The following KCNC4 variants were observed in gnomAD, a reference collection of about 807,000 sequenced individuals.
The protein encoded by KCNC4 is voltage-gated potassium channel KCNC4.
KCNC4 carries 23 observed loss-of-function variants against 42.8 expected under a neutral mutation model. The ratio of observed to expected loss-of-function variants is 0.54; its 90% CI spans 0.39 to 0.76. The LOEUF is 0.76. KCNC4 is among the 30% of genes least tolerant of loss of function. The probability of loss-of-function intolerance (pLI) is 0.00; values close to 1 mark genes in which losing one functional copy is unlikely to be tolerated. For synonymous variants in KCNC4, 422 were observed against 393.5 expected (o/e 1.07, Z -0.86); for missense variants, 751 against 898.2 (o/e 0.84, Z 2.10).
At chr1:110,229,374 G>T (rs1486602036) in intron 3 of KCNC4, among the ~76,000 whole-genome samples, 1 of 152,168 alleles carries the variant, frequency 6.6e-6, no homozygotes, top group Non-Finnish European at 1.5e-5. Context: ...CCGTGGGCGG[G>T]CTGCCTAGGC....
At chr1:110,228,534 CT>C (rs1251271769) in intron 3 of KCNC4, 1 of 152,814 alleles carries the variant, frequency 6.5e-6, no homozygotes, top group Non-Finnish European at 1.5e-5. Context: ...TTCACCAAGG[CT>C]GTGGAAAGTC....
intron 3 of KCNC4, among the ~76,000 whole-genome samples, chr1:110,229,312 C>G (rs528810708): frequency 6.6e-6 from 1 of 152,312 alleles, no homozygotes; most frequent in African/African-American, 2.4e-5. Context: ...CTATCCCTGG[C>G]TTGGGGCGCA....
At chr1:110,265,107 G>A (rs1309796950) in intron 1 of KCNC4, among the ~76,000 whole-genome samples, 1 of 151,276 alleles carries the variant, frequency 6.6e-6, no homozygotes, top group Non-Finnish European at 1.5e-5. Context: ...AAAAGGTGGG[G>A]GAGAGTGAAA....
intron 1 of KCNC4, among the ~76,000 whole-genome samples, chr1:110,269,035 T>A (rs1174595295): frequency 6.6e-6 from 1 of 152,176 alleles, no homozygotes; most frequent in Non-Finnish European, 1.5e-5. Flanking sequence ...ATTATTAAGC[T>A]CTTTCTTTGC....
exon 4 of KCNC4, chr1:110,246,440 C>A (rs1226315642): frequency 6.6e-6 from 1 of 152,216 alleles, no homozygotes; most frequent in Non-Finnish European, 1.5e-5. Context: ...GCTCCTTGAA[C>A]AAGCTTTTGC....
At chr1:110,231,012 C>G (rs983695319) in intron 3 of KCNC4, among the ~76,000 whole-genome samples, 2 of 152,252 alleles carry the variant, frequency 1.3e-5, no homozygotes, top group African/African-American at 2.4e-5. Context: ...GCACCCACTA[C>G]TTTGTTGTCA....
Position 110,211,356 on chromosome 1 carries a change from G to A in KCNC4, c.-144G>A. ...CTCCGCGTCCTAGGGGGATAGGCAG[G>A]GGCAAGCCCAAGCCGCAGAGGGGGC... On this transcript the variant is annotated 5_prime_UTR_variant, in exon 1 of 4. Coordinates refer to ENST00000438661, the MANE Select transcript of KCNC4 (RefSeq NM_001039574.3). The surrounding 1 kb of genome is among the most constrained non-coding windows in gnomAD (Gnocchi z 6.5). 7.2e-6 allele frequency: 9 copies of A among 1,251,822 alleles called. No homozygotes were observed. The highest frequency in any genetic ancestry group is 9.8e-6 in the Non-Finnish European group (9 of 920,044). The allele number at this position is 1,251,822 out of a possible 1,614,324, so 77.5% of individuals were successfully genotyped here.
chr1:110,258,670 G>A (rs1659376713), intron 1 of KCNC4, among the ~76,000 whole-genome samples: 1 of 152,196 alleles, frequency 6.6e-6, no homozygotes, highest in African/African-American at 2.4e-5. Flanking sequence ...ACCCTGCCCA[G>A]AGTCACCTAG....
At chr1:110,271,933 C>T (rs1040407039) in intron 1 of KCNC4, among the ~76,000 whole-genome samples, 1 of 152,146 alleles carries the variant, frequency 6.6e-6, no homozygotes, top group African/African-American at 2.4e-5. Flanking sequence ...CACACACTCA[C>T]CCATAATTAC....
At position 110,223,901 on chromosome 1, in the gene KCNC4, G is replaced by A. The variant is rs761450657; in HGVS notation, c.1615+1G>A. 2 of 1,584,226 alleles carry A rather than the reference G, an allele frequency of 1.3e-6. No homozygotes were observed. The highest frequency in any genetic ancestry group is 2.2e-5 in the East Asian group (1 of 44,538). On this transcript the variant is annotated splice_donor_variant, in intron 2 of 3. Transcript: ENST00000438661. LOFTEE classifies it high-confidence loss of function. The surrounding 1 kb of genome is among the most constrained non-coding windows in gnomAD (Gnocchi z 7.5). ...GGTATGATCGAGAGGAAACGGGCAG[G>A]TGAGATTAGGGGTTGGGAAGGAAAA...
In KCNC4 at chr1:110,223,536, C is replaced by T; in HGVS notation, c.1251C>T (p.His417=). ...CCTCCGACCCTCGGGGTAATGACCA[C>T]ACCGACTTCAAGAACATCCCCATTG... The part of the protein sequence containing the change: ...ARPSDPRGND[H]TDFKNIPIGF... The change falls in exon 2 of 4, where the codon CAC becomes CAT. Residue 417 remains histidine (H), a synonymous_variant. Coordinates refer to ENST00000438661, the MANE Select transcript of KCNC4 (RefSeq NM_001039574.3). This position sits in a 1 kb window ranked among gnomAD's most constrained non-coding sequence, Gnocchi z 7.5. The T allele has an allele frequency of 6.2e-7, 1 of 1,613,970 alleles. No homozygotes were observed. Among genetic ancestry groups the T allele is most frequent in the Non-Finnish European group, 8.5e-7 (1 of 1,180,048 alleles).
downstream of KCNC4, chr1:110,238,301 T>A (rs1463155359): frequency 6.6e-6 from 1 of 152,132 alleles, no homozygotes; most frequent in Admixed American, 6.5e-5. Context: ...AAATGTAGGC[T>A]TCCCCTTGGG....
chr1:110,238,858 A>G (rs2101052225), downstream of KCNC4: 1 of 152,324 alleles, frequency 6.6e-6, no homozygotes, highest in African/African-American at 2.4e-5. Flanking sequence ...AATGGTGAAC[A>G]AGACCAACAG....
At chr1:110,259,882 AG>A (rs1474296984) in intron 1 of KCNC4, among the ~76,000 whole-genome samples, 1 of 152,200 alleles carries the variant, frequency 6.6e-6, no homozygotes, top group Admixed American at 6.5e-5. Flanking sequence ...ATTGTCAAAG[AG>A]GGTGCCTTTT....
At chr1:110,262,419 ATCT>A (rs1659471256) in intron 1 of KCNC4, among the ~76,000 whole-genome samples, 1 of 151,938 alleles carries the variant, frequency 6.6e-6, no homozygotes, top group Admixed American at 6.6e-5. Context: ...CAGTGACTGC[ATCT>A]TCTTCTTTCT....
At chr1:110,278,662 G>A (rs1167492933) in intron 1 of KCNC4, among the ~76,000 whole-genome samples, 1 of 152,076 alleles carries the variant, frequency 6.6e-6, no homozygotes, top group Non-Finnish European at 1.5e-5. Flanking sequence ...ATTTATTTCA[G>A]GTACCAGGAA....
intron 1 of KCNC4, chr1:110,220,386 T>C (rs1658029758): frequency 6.6e-6 from 1 of 152,248 alleles, no homozygotes; most frequent in African/African-American, 2.4e-5. Flanking sequence ...TGCTGCAGAA[T>C]GAGCCCATGG....
chr1:110,225,952 T>A, intron 2 of KCNC4, 23 bp from the exon 3 acceptor site: 1 of 1,556,674 alleles, frequency 6.4e-7, no homozygotes, highest in Non-Finnish European at 8.7e-7. Context: ...TCATGCAGCC[T>A]CCTTTCTGTG....
Position 110,223,170 on chromosome 1 carries a change from G to A in KCNC4, c.885G>A (p.Glu295=). 2 of 1,614,232 alleles carry A rather than the reference G, an allele frequency of 1.2e-6. No individual in the cohort carries two copies. The highest frequency in any genetic ancestry group is 1.7e-6 in the Non-Finnish European group (2 of 1,180,036). ...EGVCVLWFTL[E]FLVRIVCCPD... is the part of the protein sequence containing the mutation. ...TATGTGTGCTGTGGTTCACACTGGA[G>A]TTCCTGGTGCGCATCGTGTGCTGCC... Residue 295 remains glutamate (E), a synonymous_variant, in exon 2 of 4, where the codon GAG becomes GAA. Coordinates refer to ENST00000438661, the MANE Select transcript of KCNC4 (RefSeq NM_001039574.3). This position sits in a 1 kb window ranked among gnomAD's most constrained non-coding sequence, Gnocchi z 7.5.
Sources: gnomAD v4.1 joint callset for allele counts (sites outside exome capture counted in the v4.1 genomes callset) on GRCh38, gnomAD v4.1.1 for gene constraint, Gnocchi (gnomAD v3.1) non-coding constraint, MANE v1.5 for transcripts, NCBI Gene and HGNC (gene_info 2026-07-23, HGNC 2026-07-21) for gene names.